ABLIM2: variants seen among roughly 807,000 people sequenced by gnomAD.
The protein encoded by ABLIM2 is actin binding LIM protein family member 2, also known as actin-binding LIM protein 2.
In ABLIM2, 53 loss-of-function variants were observed where a neutral mutation model predicts 97.7. The ratio of observed to expected loss-of-function variants is 0.54; its 90% confidence interval spans 0.44 to 0.68. ABLIM2 has a LOEUF of 0.68. ABLIM2 is among the 30% of genes least tolerant of loss of function. The probability of loss-of-function intolerance (pLI) is 0.00; values close to 1 mark genes in which losing one functional copy is unlikely to be tolerated. For missense variants in ABLIM2, 835 were observed against 867.2 expected (o/e 0.96, Z 0.47); for synonymous variants, 361 against 345.8 (o/e 1.04, Z -0.49).
At position 8,035,415 on chromosome 4, in the gene ABLIM2, A is replaced by T. The variant is rs563228785; in HGVS notation, c.1047+734T>A. 3.3e-5 allele frequency among the ~76,000 whole-genome samples: 5 copies of T among 152,284 alleles called. No homozygotes were observed. In the East Asian group the frequency reaches 9.7e-4, roughly 29 times the overall value. On this transcript the variant is annotated intron_variant, in intron 10 of 20. Coordinates refer to ENST00000447017, the MANE Select transcript of ABLIM2 (RefSeq NM_001130083.2). ...CTCAAAATGAGAAGGCCCAAGGGAAACGTGTTTGAAAGGACTGAGCTTCCC... is the reference window on the plus strand; with the variant it reads ...CTCAAAATGAGAAGGCCCAAGGGAATCGTGTTTGAAAGGACTGAGCTTCCC...
chr4:8,118,169 G>T (rs1242617618), intron 1 of ABLIM2, among the ~76,000 whole-genome samples: 1 of 152,220 alleles, frequency 6.6e-6, no homozygotes, highest in Non-Finnish European at 1.5e-5. Context: ...CAGAGGCCGA[G>T]GCTGGACCCT....
chr4:8,070,231 T>G (rs1811030879), intron 6 of ABLIM2, among the ~76,000 whole-genome samples: 1 of 151,402 alleles, frequency 6.6e-6, no homozygotes, highest in South Asian at 2.1e-4. Context: ...TGTCTGTGTT[T>G]TGTCCTGTGT....
rs1489602094 is a variant in ABLIM2, at chr4:8,097,193, G to A, written c.244C>T (p.Arg82Cys). ...ATGAACTGGTCGCAGCTGAAGCAGCGGGTGCCGTAGAGCCTCTGGTAGTCC... is the reference window on the plus strand; with the variant it reads ...ATGAACTGGTCGCAGCTGAAGCAGCAGGTGCCGTAGAGCCTCTGGTAGTCC... ...TLDYQRLYGTRCFSCDQFIEG... is the reference protein window; with the variant it reads ...TLDYQRLYGTCCFSCDQFIEG... Residue 82 changes from arginine (R) to cysteine (C), a missense_variant, in exon 3 of 21, where the codon CGC (arginine) becomes TGC (cysteine). Coordinates refer to ENST00000447017, the MANE Select transcript of ABLIM2 (RefSeq NM_001130083.2). The A allele has an allele frequency of 3.8e-6, 6 of 1,597,744 alleles. No homozygotes were observed. Among genetic ancestry groups the A allele is most frequent in the East Asian group, 4.6e-5 (2 of 43,816 alleles).
rs949500324 is a variant in ABLIM2, at chr4:8,113,887, C to T, written c.11-7250G>A. Among the ~76,000 whole-genome samples, 3 of 152,194 alleles carry T rather than the reference C, an allele frequency of 2.0e-5. No homozygotes were observed. Among genetic ancestry groups the T allele is most frequent in the Non-Finnish European group, 2.9e-5 (2 of 68,030 alleles). ...ACACCTTTCCTTCTGACCATGGCAA[C>T]GAGCAGAGCAATACAGAGAGGGGCA... On this transcript the variant is annotated intron_variant, in intron 1 of 20. Coordinates refer to ENST00000447017, the MANE Select transcript of ABLIM2 (RefSeq NM_001130083.2). This position sits in a 1 kb window ranked among gnomAD's most constrained non-coding sequence, Gnocchi z 4.5.
intron 20 of ABLIM2, among the ~76,000 whole-genome samples, chr4:7,975,494 G>A (rs139282102): frequency 1.8e-3 from 274 of 152,230 alleles, no homozygotes; most frequent in African/African-American, 5.7e-3. Context: ...TTTCACTGCT[G>A]CGTGGCTGGA....
intron 1 of ABLIM2, among the ~76,000 whole-genome samples, chr4:8,154,458 T>A (rs971061274): frequency 1.3e-4 from 20 of 150,402 alleles, no homozygotes; most frequent in Non-Finnish European, 2.2e-4. Context: ...ATTTTTGTAT[T>A]TTTAGTAGAG....
intron 1 of ABLIM2, among the ~76,000 whole-genome samples, chr4:8,115,091 T>C (rs1842225411): frequency 6.6e-6 from 1 of 152,180 alleles, no homozygotes; most frequent in African/African-American, 2.4e-5. Context: ...TGGCTCTGCT[T>C]TGGGGTCCTG....
intron 1 of ABLIM2, among the ~76,000 whole-genome samples, chr4:8,111,278 T>C (rs1282845448): frequency 6.6e-6 from 1 of 152,202 alleles, no homozygotes; most frequent in Non-Finnish European, 1.5e-5. Context: ...TTATGTGACA[T>C]GCTGGAAAAG....
intron 5 of ABLIM2, 38 bp downstream of exon 5, chr4:8,080,638 T>C (rs777558862): frequency 7.7e-6 from 12 of 1,553,334 alleles, no homozygotes; most frequent in Non-Finnish European, 8.7e-6. Flanking sequence ...TAGGGAAGCC[T>C]GAGCGGAGGC....
intron 5 of ABLIM2, among the ~76,000 whole-genome samples, chr4:8,079,667 C>T (rs980960560): frequency 1.3e-5 from 2 of 152,202 alleles, no homozygotes; most frequent in African/African-American, 4.8e-5. Flanking sequence ...AATTAGTATA[C>T]ACCCTCAGCC....
intron 7 of ABLIM2, among the ~76,000 whole-genome samples, chr4:8,059,548 T>G (rs980775197): frequency 6.6e-6 from 1 of 151,798 alleles, no homozygotes; most frequent in African/African-American, 2.4e-5. Context: ...TAACTATGCC[T>G]CCCCACACCT....
intron 20 of ABLIM2, among the ~76,000 whole-genome samples, chr4:7,982,270 C>A (rs1386529559): frequency 6.6e-6 from 1 of 152,236 alleles, no homozygotes; most frequent in African/African-American, 2.4e-5. Flanking sequence ...TGGCCCTGTG[C>A]ACATGGGGTC....
chr4:8,088,953 T>C (rs1577505479), intron 3 of ABLIM2, among the ~76,000 whole-genome samples: 1 of 152,368 alleles, frequency 6.6e-6, no homozygotes, highest in African/African-American at 2.4e-5. Context: ...GCAGTGTCTA[T>C]AAAAGCACAC....
rs1174169842 is a variant in ABLIM2 at position 8,147,065 on chromosome 4, G to A, written c.10+11615C>T. The stretch of plus-strand genomic sequence containing the variant: ...ACGGCTTTTTATTTCTGAAATTCAT[G>A]TCTGTGTTTCAGAGGCTTTCTTCAG... On this transcript the variant is annotated intron_variant, in intron 1 of 20. Coordinates refer to ENST00000447017, the MANE Select transcript of ABLIM2 (RefSeq NM_001130083.2). The surrounding 1 kb of genome is among the most constrained non-coding windows in gnomAD (Gnocchi z 5.3). 1.3e-5 allele frequency among the ~76,000 whole-genome samples: 2 copies of A among 152,142 alleles called. No individual in the cohort carries two copies. The highest frequency in any genetic ancestry group is 3.9e-4 in the East Asian group (2 of 5,194).
At chr4:8,090,997 T>C (rs1827003418) in intron 3 of ABLIM2, among the ~76,000 whole-genome samples, 1 of 151,768 alleles carries the variant, frequency 6.6e-6, no homozygotes, top group Admixed American at 6.6e-5. Flanking sequence ...ATACAGAAGA[T>C]GGATTTTCTG....
chr4:8,037,671 A>G (rs1342409215), intron 9 of ABLIM2, among the ~76,000 whole-genome samples: 1 of 152,010 alleles, frequency 6.6e-6, no homozygotes, highest in African/African-American at 2.4e-5. Flanking sequence ...GCAAGTTCAC[A>G]TTCACCACCC....
intron 2 of ABLIM2, 87 bp from the exon 3 acceptor site, chr4:8,097,369 C>T (rs1832194234): frequency 6.8e-7 from 1 of 1,463,012 alleles, no homozygotes; most frequent in Non-Finnish European, 9.2e-7. Context: ...CCTCCACACA[C>T]ACACCACCAC....
At position 8,072,359 on chromosome 4, in the gene ABLIM2, G is replaced by A. The variant is rs1395173783; in HGVS notation, c.675+5269C>T. On this transcript the variant is annotated intron_variant, in intron 6 of 20. Coordinates refer to ENST00000447017, the MANE Select transcript of ABLIM2 (RefSeq NM_001130083.2). The surrounding 1 kb of genome is among the most constrained non-coding windows in gnomAD (Gnocchi z 5.8). ...ATGAAACCCACTTTGCTCGCCCAGT[G>A]CGGAGCGTGCCTGAGGCAGAGCAGC... Among the ~76,000 whole-genome samples the A allele has an allele frequency of 2.6e-5, 4 of 152,244 alleles. No homozygotes were observed. Among genetic ancestry groups the A allele is most frequent in the East Asian group, 1.9e-4 (1 of 5,184 alleles).
chr4:8,104,991 G>T (rs774799292), intron 2 of ABLIM2, among the ~76,000 whole-genome samples: 30 of 152,156 alleles, frequency 2.0e-4, no homozygotes, highest in African/African-American at 7.2e-4. Flanking sequence ...CCCTCAAGGC[G>T]CCTCCACAGA....
Sources: gnomAD v4.1 joint callset for allele counts (sites outside exome capture counted in the v4.1 genomes callset) on GRCh38, gnomAD v4.1.1 for gene constraint, Gnocchi (gnomAD v3.1) non-coding constraint, MANE v1.5 for transcripts, NCBI Gene and HGNC (gene_info 2026-07-23, HGNC 2026-07-21) for gene names.